The following ESRRB variants were observed in gnomAD, a reference collection of about 807,000 sequenced individuals.
ESRRB encodes estrogen related receptor beta.
ESRRB carries 16 observed loss-of-function variants against 46.0 expected under a neutral mutation model. The ratio of observed to expected loss-of-function variants is 0.35; its 90% CI spans 0.24 to 0.53. The LOEUF (loss-of-function observed/expected upper bound fraction) is 0.53. ESRRB is among the 20% of genes least tolerant of loss of function. ESRRB has a pLI of 0.93. For missense variants in ESRRB, 488 were observed against 607.4 expected (o/e 0.80, Z 2.07); for synonymous variants, 246 against 259.6 (o/e 0.95, Z 0.50).
At chr14:76,451,268 C>T (rs976768338) in intron 2 of ESRRB, among the ~76,000 whole-genome samples, 1 of 152,104 alleles carries the variant, frequency 6.6e-6, no homozygotes, top group Non-Finnish European at 1.5e-5. Flanking sequence ...TTTAACCAGG[C>T]TTAGAATCTC....
rs114951363 is a variant in ESRRB, at chr14:76,500,595, G to T, written c.*2137G>T. 3,677 of 1,209,060 alleles carry T rather than the reference G, an allele frequency of 3.0e-3. 79 individuals carry two copies. In the African/African-American group the frequency reaches 0.047, roughly 15 times the overall value. The allele number at this position is 1,209,060 out of a possible 1,614,324, so 74.9% of individuals were successfully genotyped here. On this transcript the variant is annotated 3_prime_UTR_variant, in exon 7 of 7. Coordinates refer to ENST00000644823, the MANE Select transcript of ESRRB (RefSeq NM_001379180.1). ...TCACTGTGCTGTGTCCTTGCAGCGGGGCCGAGGTAGCACCCTGCTCTGTCA... is the reference window on the plus strand; with the variant it reads ...TCACTGTGCTGTGTCCTTGCAGCGGTGCCGAGGTAGCACCCTGCTCTGTCA...
rs1467197771 is a variant in ESRRB at position 76,358,331 on chromosome 14, GAAAGAAAGA to G, written c.2+47418_2+47426del. On this transcript the variant is annotated intron_variant, in intron 1 of 6. Transcript: ENST00000512784. ...TGTCTCAAAAAAAAAAAAAAAGAAA[GAAAGAAAGA>G]AAGAAAGAAAGAAAGAAAGAAAGAA... is the stretch of plus-strand genomic sequence containing the variant. 2.4e-4 allele frequency among the ~76,000 whole-genome samples: 3 copies of G among 12,422 alleles called. 1 individual carries two copies. Among genetic ancestry groups the G allele is most frequent in the African/African-American group, 5.2e-4 (1 of 1,918 alleles). The allele number at this position is 12,422 out of a possible 152,430, so 8.1% of individuals were successfully genotyped here. A position where few individuals can be genotyped will look rare whatever the true frequency, so the allele number is the denominator to read the frequency against.
chr14:76,479,349 C>T (rs1339775929), intron 3 of ESRRB, among the ~76,000 whole-genome samples: 5 of 152,142 alleles, frequency 3.3e-5, no homozygotes, highest in Admixed American at 6.5e-5. Context: ...CCAAAGCAGC[C>T]GGTAGCTGGG....
Position 76,469,937 on chromosome 14 carries a change from T to G in ESRRB, c.577+7276T>G, listed in dbSNP as rs1566603816. On this transcript the variant is annotated intron_variant, in intron 3 of 6. Transcript: ENST00000644823. ...AGGCTGTGTTTTTTGTTGTTTTTTT[T>G]TTTTTTCTTTTTTTTTTTTTTTTTT... 2.4e-5 allele frequency among the ~76,000 whole-genome samples: 3 copies of G among 123,692 alleles called. No homozygotes were observed. The East Asian group carries it at 6.7e-4, about 28-fold the overall frequency. 81.1% of individuals were successfully genotyped at this position (123,692 alleles called of 152,430 possible).
At chr14:76,448,246 A>G (rs1888233904) in intron 2 of ESRRB, among the ~76,000 whole-genome samples, 1 of 149,796 alleles carries the variant, frequency 6.7e-6, no homozygotes, top group African/African-American at 2.5e-5. Context: ...CCCTTCTCCC[A>G]CTGTATGGTT....
At chr14:76,353,290 C>T (rs1884336669) in intron 1 of ESRRB, among the ~76,000 whole-genome samples, 1 of 152,114 alleles carries the variant, frequency 6.6e-6, no homozygotes, top group African/African-American at 2.4e-5. Flanking sequence ...TTTTACAGTC[C>T]CCAACCCCAC....
At chr14:76,456,046 A>G (rs1282659586) in intron 2 of ESRRB, among the ~76,000 whole-genome samples, 3 of 143,692 alleles carry the variant, frequency 2.1e-5, no homozygotes, top group African/African-American at 7.8e-5. Flanking sequence ...TCGCACACAC[A>G]CACACACACA....
chr14:76,460,709 AT>A lies in ESRRB; in HGVS notation c.461-1827del, dbSNP rs58597850. On this transcript the variant is annotated intron_variant, in intron 2 of 6. Transcript: ENST00000644823. ...TTCTTCATTTGTACGTTCCAGTTAC[AT>A]TTTTTTTTGAGACGGAGTTTTGCTC... 8.3e-4 allele frequency among the ~76,000 whole-genome samples: 117 copies of A among 141,646 alleles called. 1 individual carries two copies. The highest frequency in any genetic ancestry group is 1.3e-3 in the Non-Finnish European group (85 of 66,224). The allele number at this position is 141,646 out of a possible 152,430, so 92.9% of individuals were successfully genotyped here.
In ESRRB at chr14:76,500,381, A is replaced by G. The variant is rs1890617907; in HGVS notation, c.*1923A>G. 6.8e-6 allele frequency: 4 copies of G among 585,238 alleles called. No individual in the cohort carries two copies. Among genetic ancestry groups the G allele is most frequent in the South Asian group, 6.5e-5 (3 of 46,454 alleles). The allele number at this position is 585,238 out of a possible 1,614,324, so 36.3% of individuals were successfully genotyped here. A position where few individuals can be genotyped will look rare whatever the true frequency, so the allele number is the denominator to read the frequency against. On this transcript the variant is annotated 3_prime_UTR_variant, in exon 7 of 7. Coordinates refer to ENST00000644823, the MANE Select transcript of ESRRB (RefSeq NM_001379180.1). Reference sequence around the variant, plus strand: ...CAGGATGCTGCGGCCCTAGCCCTCCATGCAGCCCATCTTCCCTCATTTGGG... The same window carrying G: ...CAGGATGCTGCGGCCCTAGCCCTCCGTGCAGCCCATCTTCCCTCATTTGGG...
At chr14:76,370,119 G>A (rs1884585449), upstream of ESRRB, among the ~76,000 whole-genome samples, 1 of 151,984 alleles carries the variant, frequency 6.6e-6, no homozygotes, top group Non-Finnish European at 1.5e-5. Context: ...AGCCAGGCAT[G>A]GTGGCTCACA....
chr14:76,442,959 T>A (rs942539217), intron 2 of ESRRB, among the ~76,000 whole-genome samples: 1 of 151,212 alleles, frequency 6.6e-6, no homozygotes, highest in African/African-American at 2.4e-5. Flanking sequence ...GGATTACAGG[T>A]GCTGGCCACA....
intron 5 of ESRRB, among the ~76,000 whole-genome samples, chr14:76,485,435 T>C (rs962819301): frequency 6.6e-5 from 10 of 151,612 alleles, no homozygotes; most frequent in Non-Finnish European, 1.3e-4. Context: ...AAAGATGGGG[T>C]TTCACCATGT....
At chr14:76,435,025 T>G (rs1021804283) in intron 1 of ESRRB, among the ~76,000 whole-genome samples, 3 of 152,208 alleles carry the variant, frequency 2.0e-5, no homozygotes, top group African/African-American at 7.2e-5. Flanking sequence ...TCCAGCCTTT[T>G]CCTTCTGTAA....
In ESRRB at chr14:76,314,484, C is replaced by T. The variant is rs117784504; in HGVS notation, c.2+3568C>T. 9.9e-5 allele frequency among the ~76,000 whole-genome samples: 15 copies of T among 152,214 alleles called. No homozygotes were observed. In the East Asian group the frequency reaches 2.9e-3, roughly 29 times the overall value. ...GGAGCTCCTGTGTCGTCTGGTGGGG[C>T]CAGAGAAATGGATTCTCTCCCACTT... is the stretch of plus-strand genomic sequence containing the variant. On this transcript the variant is annotated intron_variant, in intron 1 of 6. Transcript: ENST00000512784.
chr14:76,443,622 T>C (rs1046521935), intron 2 of ESRRB, among the ~76,000 whole-genome samples: 1 of 152,242 alleles, frequency 6.6e-6, no homozygotes, highest in Non-Finnish European at 1.5e-5. Context: ...TTTTGAAGAA[T>C]TGCTTGTTAG....
chr14:76,462,236 C>A (rs764988680), intron 2 of ESRRB, among the ~76,000 whole-genome samples: 16 of 152,250 alleles, frequency 1.1e-4, no homozygotes, highest in East Asian at 1.9e-4. Flanking sequence ...GCGTTCTCCT[C>A]CTGGAGTAAA....
chr14:76,430,932 C>G (rs1052445534), intron 1 of ESRRB, among the ~76,000 whole-genome samples: 1 of 152,226 alleles, frequency 6.6e-6, no homozygotes, highest in African/African-American at 2.4e-5. Flanking sequence ...CCAGTCCATT[C>G]CTCTGCCTGC....
chr14:76,456,077 CAAAA>C (rs1815651103), intron 2 of ESRRB, among the ~76,000 whole-genome samples: 1 of 120,110 alleles, frequency 8.3e-6, no homozygotes, highest in African/African-American at 3.1e-5. Context: ...CACACACACA[CAAAA>C]GAAAGAAAAG....
At chr14:76,476,316 A>G (rs932911287) in intron 3 of ESRRB, among the ~76,000 whole-genome samples, 5 of 152,232 alleles carry the variant, frequency 3.3e-5, no homozygotes, top group Non-Finnish European at 7.3e-5. Flanking sequence ...ATTTGGAAAT[A>G]TGTGACACTT....
Sources: allele counts gnomAD v4.1 joint callset (sites outside exome capture counted in the v4.1 genomes callset), GRCh38; gene constraint gnomAD v4.1.1; transcripts MANE v1.5; gene names NCBI Gene and HGNC (gene_info 2026-07-23, HGNC 2026-07-21).